MAP2K5: variants seen among roughly 807,000 people sequenced by gnomAD.
MAP2K5 encodes dual specificity mitogen-activated protein kinase kinase 5.
A neutral mutation model predicts 83.1 loss-of-function variants in MAP2K5; 49 were observed. That is an observed-to-expected ratio of 0.59 (90% CI 0.47 to 0.75). The LOEUF (loss-of-function observed/expected upper bound fraction) is 0.75, where lower values mean the gene tolerates loss of function less well. Ranked by LOEUF, MAP2K5 falls within the 30% of genes least tolerant of loss-of-function variation. MAP2K5 has a pLI of 0.00. For synonymous variants in MAP2K5, 202 were observed against 191.8 expected, an observed-to-expected ratio of 1.05 and a Z score of -0.44; for missense variants, 457 against 557.5, an observed-to-expected ratio of 0.82 and a Z score of 1.82.
Position 67,769,545 on chromosome 15 carries a change from TAAAG to T in MAP2K5, c.1135-51_1135-48del. The T allele has an allele frequency of 6.6e-7, 1 of 1,520,008 alleles. No individual in the cohort carries two copies. The highest frequency in any genetic ancestry group is 9.1e-7 in the Non-Finnish European group (1 of 1,095,300). 94.2% of individuals were successfully genotyped at this position (1,520,008 alleles called of 1,614,324 possible). On this transcript the variant is annotated intron_variant, in intron 19 of 21. Coordinates refer to ENST00000178640, the MANE Select transcript of MAP2K5 (RefSeq NM_145160.3). This position sits in a 1 kb window ranked among gnomAD's most constrained non-coding sequence, Gnocchi z 5.2. ...CCTTCACATGGGTGGGTGGGGAATATAAAGAAAGAGAAGGAACTGTTGTGACTTT... is the reference window on the plus strand; with the variant it reads ...CCTTCACATGGGTGGGTGGGGAATATAAAGAGAAGGAACTGTTGTGACTTT...
intron 21 of MAP2K5, among the ~76,000 whole-genome samples, chr15:67,787,425 T>C (rs1308342014): frequency 1.3e-5 from 2 of 152,276 alleles, no homozygotes; most frequent in East Asian, 3.8e-4. Flanking sequence ...TTTGCTAACC[T>C]GCCTTTGCAA....
rs2084766550 is a variant in MAP2K5 at position 67,562,950 on chromosome 15, A to G, written c.185-333A>G. Among the ~76,000 whole-genome samples the G allele has an allele frequency of 6.6e-6, 1 of 152,148 alleles. No homozygotes were observed. Among genetic ancestry groups the G allele is most frequent in the South Asian group, 2.1e-4 (1 of 4,820 alleles). On this transcript the variant is annotated intron_variant, in intron 2 of 21. Coordinates refer to ENST00000178640, the MANE Select transcript of MAP2K5 (RefSeq NM_145160.3). This position sits in a 1 kb window ranked among gnomAD's most constrained non-coding sequence, Gnocchi z 4.1. ...TTTGGGAGATTTAAAAAGTGTGGAT[A>G]GTAGAACAAGACTGGCCTCTCGTTG...
At position 67,614,878 on chromosome 15, in the gene MAP2K5, A is replaced by G. The variant is rs1349987391; in HGVS notation, c.545+14129A>G. Among the ~76,000 whole-genome samples, 7 of 152,198 alleles carry G rather than the reference A, an allele frequency of 4.6e-5. No individual in the cohort carries two copies. In the South Asian group the frequency reaches 8.3e-4, roughly 18 times the overall value. ...TCTTTCTAATCTAGCCAAGTTCCCTATATCATTCATTAGGTTGATTTATGA... is the reference window on the plus strand; with the variant it reads ...TCTTTCTAATCTAGCCAAGTTCCCTGTATCATTCATTAGGTTGATTTATGA... On this transcript the variant is annotated intron_variant, in intron 8 of 21. Coordinates refer to ENST00000178640, the MANE Select transcript of MAP2K5 (RefSeq NM_145160.3).
chr15:67,620,495 T>C (rs1247967489), intron 8 of MAP2K5, among the ~76,000 whole-genome samples: 1 of 151,798 alleles, frequency 6.6e-6, no homozygotes, highest in Non-Finnish European at 1.5e-5. Context: ...TTGATGCCAA[T>C]AGATAAATGA....
At chr15:67,692,435 G>T (rs1347863321) in intron 13 of MAP2K5, 44 bp from the exon 14 acceptor site, 1 of 1,382,346 alleles carries the variant, frequency 7.2e-7, no homozygotes. Context: ...AAACGCTGTA[G>T]ATACATGGAA....
In MAP2K5 at chr15:67,724,717, A is replaced by G. The variant is rs549360986; in HGVS notation, c.1045-3199A>G. ...AAGACAAATAGTGTGGAACATAAAC[A>G]CTGTAGCTGCATTAGACCTAGAGGG... On this transcript the variant is annotated intron_variant, in intron 16 of 21. Coordinates refer to ENST00000178640, the MANE Select transcript of MAP2K5 (RefSeq NM_145160.3). The surrounding 1 kb of genome is among the most constrained non-coding windows in gnomAD (Gnocchi z 4.4). Among the ~76,000 whole-genome samples, 20 of 152,336 alleles carry G rather than the reference A, an allele frequency of 1.3e-4. No homozygotes were observed. In the East Asian group the frequency reaches 3.7e-3, roughly 28 times the overall value.
At chr15:67,595,597 A>T (rs1431598226) in intron 7 of MAP2K5, among the ~76,000 whole-genome samples, 1 of 152,190 alleles carries the variant, frequency 6.6e-6, no homozygotes, top group Non-Finnish European at 1.5e-5. Context: ...ATTGAATTCC[A>T]TTTCATTTTT....
At chr15:67,591,530 C>A (rs952253431) in intron 6 of MAP2K5, among the ~76,000 whole-genome samples, 1 of 151,128 alleles carries the variant, frequency 6.6e-6, no homozygotes, top group African/African-American at 2.4e-5. Flanking sequence ...CCACCACACC[C>A]GGCTAATTTT....
chr15:67,585,798 G>T, intron 4 of MAP2K5, 92 bp from the exon 5 acceptor site: 1 of 1,053,134 alleles, frequency 9.5e-7, no homozygotes, highest in East Asian at 2.4e-5. Flanking sequence ...GCTAATTTTG[G>T]TGTCACCCTC....
rs1462067225 is a variant in MAP2K5, at chr15:67,724,284, G to A, written c.1045-3632G>A. On this transcript the variant is annotated intron_variant, in intron 16 of 21. Transcript: ENST00000178640. This position sits in a 1 kb window ranked among gnomAD's most constrained non-coding sequence, Gnocchi z 4.4. ...AAAGATACAGAATGGCCCCAGGTCT[G>A]CCTGTGTGTGAAATATTCACTTGGA... Among the ~76,000 whole-genome samples the A allele has an allele frequency of 1.3e-5, 2 of 152,212 alleles. No homozygotes were observed. The highest frequency in any genetic ancestry group is 2.4e-5 in the African/African-American group (1 of 41,446).
intron 13 of MAP2K5, chr15:67,670,411 G>A: frequency 2.2e-6 from 1 of 455,722 alleles, no homozygotes; most frequent in Non-Finnish European, 4.4e-6. Flanking sequence ...GGTTATATGT[G>A]TTTTTTAGCA....
intron 16 of MAP2K5, among the ~76,000 whole-genome samples, chr15:67,706,867 T>G (rs958360283): frequency 5.3e-5 from 8 of 152,110 alleles, no homozygotes; most frequent in Non-Finnish European, 7.4e-5. Context: ...AGTCCATACA[T>G]GAGAAATTGT....
intron 8 of MAP2K5, among the ~76,000 whole-genome samples, chr15:67,629,395 A>ATT (rs34983376): frequency 6.3e-4 from 94 of 149,358 alleles, no homozygotes; most frequent in South Asian, 2.1e-3. Flanking sequence ...TCTAATGTAG[A>ATT]TTTTTTTTTT....
chr15:67,758,609 C>A lies in MAP2K5; in HGVS notation c.1134+10008C>A, dbSNP rs1423469626. 6.6e-6 allele frequency among the ~76,000 whole-genome samples: 1 copy of A among 151,362 alleles called. No individual in the cohort carries two copies. Among genetic ancestry groups the A allele is most frequent in the African/African-American group, 2.4e-5 (1 of 41,174 alleles). ...TGACATTTATGCATAAATCTCAACA[C>A]TTTTTTTTTCAAGACCTCAGAAATA... is the stretch of plus-strand genomic sequence containing the variant. On this transcript the variant is annotated intron_variant, in intron 19 of 21. Transcript: ENST00000178640. This position sits in a 1 kb window ranked among gnomAD's most constrained non-coding sequence, Gnocchi z 4.7.
intron 8 of MAP2K5, among the ~76,000 whole-genome samples, chr15:67,603,105 A>T (rs2085699203): frequency 6.6e-6 from 1 of 152,234 alleles, no homozygotes; most frequent in African/African-American, 2.4e-5. Context: ...TTAACATTTT[A>T]ACCATATTTA....
chr15:67,721,768 C>T (rs893923374), intron 16 of MAP2K5, among the ~76,000 whole-genome samples: 5 of 152,128 alleles, frequency 3.3e-5, no homozygotes, highest in African/African-American at 4.8e-5. Flanking sequence ...GGAAAAAATA[C>T]GTGTGGGTTC....
At chr15:67,706,097 A>G (rs1018955477) in intron 16 of MAP2K5, among the ~76,000 whole-genome samples, 1 of 152,220 alleles carries the variant, frequency 6.6e-6, no homozygotes, top group African/African-American at 2.4e-5. Context: ...AGGTGTGGAA[A>G]CAGGGAGATC....
intron 17 of MAP2K5, among the ~76,000 whole-genome samples, chr15:67,730,748 G>A (rs546129734): frequency 6.6e-6 from 1 of 152,326 alleles, no homozygotes; most frequent in African/African-American, 2.4e-5. Context: ...CCAGGGAATT[G>A]CTGCTGTGAA....
chr15:67,648,641 C>T (rs1437901718), intron 11 of MAP2K5, among the ~76,000 whole-genome samples: 6 of 149,882 alleles, frequency 4.0e-5, no homozygotes, highest in African/African-American at 2.5e-5. Context: ...GGGGTGATCT[C>T]GGCTCACTGC....
Sources: gnomAD v4.1 joint callset for allele counts (sites outside exome capture counted in the v4.1 genomes callset) on GRCh38, gnomAD v4.1.1 for gene constraint, Gnocchi (gnomAD v3.1) non-coding constraint, MANE v1.5 for transcripts, NCBI Gene and HGNC (gene_info 2026-07-23, HGNC 2026-07-21) for gene names.